Variants in HIPK3 observed in about 807,000 individuals in gnomAD.
HIPK3 encodes the protein homeodomain-interacting protein kinase 3.
In HIPK3, 47 loss-of-function variants were observed where a neutral mutation model predicts 124.2. The ratio of observed to expected loss-of-function variants is 0.38; its 90% confidence interval spans 0.30 to 0.48. The LOEUF is 0.48. HIPK3 is among the 20% of genes least tolerant of loss of function. The pLI, the probability that HIPK3 is intolerant of heterozygous loss-of-function variation, is 0.98. For synonymous variants in HIPK3, 482 were observed against 515.2 expected (o/e 0.94, Z 0.87); for missense variants, 1,286 against 1,454.3 (o/e 0.88, Z 1.88).
At chr11:33,329,423 A>T (rs1334768267) in intron 3 of HIPK3, among the ~76,000 whole-genome samples, 1 of 152,176 alleles carries the variant, frequency 6.6e-6, no homozygotes, top group Admixed American at 6.6e-5. Context: ...ACTTTCAAGC[A>T]AGAAAAAATA....
chr11:33,331,972 C>G (rs1312509929), intron 3 of HIPK3, among the ~76,000 whole-genome samples: 1 of 152,144 alleles, frequency 6.6e-6, no homozygotes, highest in Non-Finnish European at 1.5e-5. Context: ...TGGTTTACTG[C>G]AAAGTTGAAC....
intron 1 of HIPK3, among the ~76,000 whole-genome samples, chr11:33,276,361 A>G (rs1851270408): frequency 6.6e-6 from 1 of 152,004 alleles, no homozygotes; most frequent in Non-Finnish European, 1.5e-5. Flanking sequence ...TATTTTATAG[A>G]CTCTTCCTCA....
chr11:33,278,552 G>C (rs1851328588), intron 1 of HIPK3, among the ~76,000 whole-genome samples: 2 of 152,142 alleles, frequency 1.3e-5, no homozygotes. Flanking sequence ...GGTGTTGCTG[G>C]TTTCTTTGTT....
In HIPK3 at chr11:33,314,808, C is replaced by T. The variant is rs570579820; in HGVS notation, c.1098-13702C>T. On this transcript the variant is annotated intron_variant, in intron 2 of 16. Coordinates refer to ENST00000303296, the MANE Select transcript of HIPK3 (RefSeq NM_005734.5). ...GTTGTCTGATCTAGCCTAAATATAC[C>T]TAATAGATTATGAGCCTCTGTTGGT... Among the ~76,000 whole-genome samples the T allele has an allele frequency of 4.1e-4, 62 of 152,168 alleles. 1 individual carries two copies. The highest frequency in any genetic ancestry group is 3.3e-3 in the South Asian group (16 of 4,808).
chr11:33,304,488 C>T (rs565874993), intron 2 of HIPK3, among the ~76,000 whole-genome samples: 2 of 151,126 alleles, frequency 1.3e-5, no homozygotes, highest in East Asian at 2.0e-4. Flanking sequence ...ACCCAGGAGG[C>T]GGAGGTTGCG....
intron 8 of HIPK3, among the ~76,000 whole-genome samples, chr11:33,344,292 A>G (rs185127857): frequency 1.6e-4 from 24 of 152,346 alleles, no homozygotes; most frequent in Non-Finnish European, 2.8e-4. Flanking sequence ...ACTTAAATTT[A>G]TAATCTGTAC....
intron 2 of HIPK3, among the ~76,000 whole-genome samples, chr11:33,318,936 G>C (rs1852584189): frequency 6.6e-6 from 1 of 152,162 alleles, no homozygotes; most frequent in Non-Finnish European, 1.5e-5. Context: ...GAGATGAAAT[G>C]GAATAGAGAA....
rs367552643 is a variant in HIPK3 at position 33,297,816 on chromosome 11, G to A, written c.1097+10305G>A. Among the ~76,000 whole-genome samples, 4 of 126,324 alleles carry A rather than the reference G, an allele frequency of 3.2e-5. No individual in the cohort carries two copies. In the South Asian group the frequency reaches 1.1e-3, roughly 34 times the overall value. The allele number at this position is 126,324 out of a possible 152,430, so 82.9% of individuals were successfully genotyped here. On this transcript the variant is annotated intron_variant, in intron 2 of 16. Coordinates refer to ENST00000303296, the MANE Select transcript of HIPK3 (RefSeq NM_005734.5). ...TTTTTTTTTTTTTTCTTGAGATGGAGTCTTGCTCTGTCACCCAGGCTGGAG... is the reference window on the plus strand; with the variant it reads ...TTTTTTTTTTTTTTCTTGAGATGGAATCTTGCTCTGTCACCCAGGCTGGAG...
chr11:33,297,778 CTTTTTTT>C (rs1015881408), intron 2 of HIPK3, among the ~76,000 whole-genome samples: 26 of 81,990 alleles, frequency 3.2e-4, no homozygotes, highest in South Asian at 8.8e-4. Context: ...AAAGAACAGG[CTTTTTTT>C]TTTTTTTTTT....
intron 1 of HIPK3, among the ~76,000 whole-genome samples, chr11:33,263,488 G>A (rs1169989644): frequency 6.6e-6 from 1 of 151,838 alleles, no homozygotes; most frequent in East Asian, 1.9e-4. Context: ...GCTAATTTTT[G>A]TATTTTTAGT....
chr11:33,306,847 A>C (rs1042849813), intron 2 of HIPK3, among the ~76,000 whole-genome samples: 3 of 152,172 alleles, frequency 2.0e-5, no homozygotes, highest in Non-Finnish European at 4.4e-5. Context: ...GTTTCCTGGC[A>C]GCCTGCTTTT....
In HIPK3 at chr11:33,338,749, G is replaced by A; in HGVS notation, c.1342-8G>A. ...GTATTCTTTTTTCCCTTTGATATAT[G>A]CAATAAGACATTGGAAGAGCATGAG... On this transcript the variant is annotated splice_region_variant and splice_polypyrimidine_tract_variant and intron_variant, in intron 4 of 16. Transcript: ENST00000303296. The A allele has an allele frequency of 6.3e-7, 1 of 1,576,644 alleles. No individual in the cohort carries two copies. The highest frequency in any genetic ancestry group is 8.7e-7 in the Non-Finnish European group (1 of 1,148,810).
chr11:33,271,159 C>T (rs576700018), intron 1 of HIPK3, among the ~76,000 whole-genome samples: 68 of 152,224 alleles, frequency 4.5e-4, no homozygotes, highest in African/African-American at 1.6e-3. Context: ...AAATAGCATT[C>T]TAAGTGTTTG....
At chr11:33,325,056 A>G (rs1226663640) in intron 2 of HIPK3, among the ~76,000 whole-genome samples, 1 of 152,228 alleles carries the variant, frequency 6.6e-6, no homozygotes, top group Non-Finnish European at 1.5e-5. Context: ...TAACTTTTGT[A>G]TCTCAGGTTT....
At chr11:33,351,101 G>T (rs905592499) in intron 14 of HIPK3, among the ~76,000 whole-genome samples, 2 of 152,070 alleles carry the variant, frequency 1.3e-5, no homozygotes, top group Non-Finnish European at 2.9e-5. Flanking sequence ...GAAATATGGG[G>T]CTCTGTCTAG....
intron 1 of HIPK3, among the ~76,000 whole-genome samples, chr11:33,284,529 C>G (rs754281870): frequency 4.6e-5 from 7 of 152,112 alleles, no homozygotes; most frequent in African/African-American, 9.7e-5. Flanking sequence ...TGCAGTGGCT[C>G]ATGCCTATAA....
At chr11:33,323,492 C>T (rs1415175544) in intron 2 of HIPK3, among the ~76,000 whole-genome samples, 1 of 152,188 alleles carries the variant, frequency 6.6e-6, no homozygotes, top group Non-Finnish European at 1.5e-5. Flanking sequence ...ATCCTCCCGG[C>T]TTAGCCTCCA....
At chr11:33,331,601 A>G (rs1852985331) in intron 3 of HIPK3, among the ~76,000 whole-genome samples, 1 of 152,098 alleles carries the variant, frequency 6.6e-6, no homozygotes, top group Non-Finnish European at 1.5e-5. Flanking sequence ...CTGGTCTCAA[A>G]GTCCTGGGCT....
intron 1 of HIPK3, among the ~76,000 whole-genome samples, chr11:33,272,600 C>CCTTTCCTTTTTCCTTTTTT: frequency 6.6e-6 from 1 of 152,070 alleles, no homozygotes; most frequent in East Asian, 1.9e-4. Context: ...AGATCTTTCT[C>CCTTTCCTTTTTCCTTTTTT]CTTTCCTTTT....
Sources: gnomAD v4.1 joint callset for allele counts (sites outside exome capture counted in the v4.1 genomes callset) on GRCh38, gnomAD v4.1.1 for gene constraint, MANE v1.5 for transcripts, NCBI Gene and HGNC (gene_info 2026-07-23, HGNC 2026-07-21) for gene names.